HS6ST3: variants seen among roughly 807,000 people sequenced by gnomAD.
HS6ST3 encodes heparan-sulfate 6-O-sulfotransferase 3.
Under a neutral mutation model 36.7 loss-of-function variants are expected in HS6ST3, and 12 were observed. That is an observed-to-expected ratio of 0.33 (90% CI 0.21 to 0.53). The LOEUF is 0.53. Ranked by LOEUF, HS6ST3 falls within the 20% of genes least tolerant of loss-of-function variation. The pLI is 0.95. For missense variants in HS6ST3, 584 were observed against 640.9 expected, an observed-to-expected ratio of 0.91 and a Z score of 0.96; for synonymous variants, 240 against 257.5, an observed-to-expected ratio of 0.93 and a Z score of 0.65.
At chr13:96,352,584 A>C (rs1160366170) in intron 1 of HS6ST3, among the ~76,000 whole-genome samples, 1 of 152,198 alleles carries the variant, frequency 6.6e-6, no homozygotes, top group African/African-American at 2.4e-5. Flanking sequence ...CCTGTTGGTT[A>C]CACAGGCCAG....
chr13:96,198,077 G>A (rs957076048), intron 1 of HS6ST3, among the ~76,000 whole-genome samples: 8 of 152,168 alleles, frequency 5.3e-5, no homozygotes, highest in Non-Finnish European at 2.9e-5. Flanking sequence ...CTTGACTTCT[G>A]TGCACCCACA....
intron 1 of HS6ST3, among the ~76,000 whole-genome samples, chr13:96,199,159 C>T (rs1209647937): frequency 6.6e-6 from 1 of 152,248 alleles, no homozygotes; most frequent in East Asian, 1.9e-4. Flanking sequence ...CCTCCTAGAT[C>T]CCTCCCACAA....
At position 96,674,690 on chromosome 13, in the gene HS6ST3, G is replaced by A. The variant is rs60529550; in HGVS notation, c.708-157800G>A. On this transcript the variant is annotated intron_variant, in intron 1 of 1. Coordinates refer to ENST00000376705, the MANE Select transcript of HS6ST3 (RefSeq NM_153456.4). ...AAGTAAATATCCCTTATTCAGCTGGGGGATGCTGGAGACACATGGAACCTC... is the reference window on the plus strand; with the variant it reads ...AAGTAAATATCCCTTATTCAGCTGGAGGATGCTGGAGACACATGGAACCTC... Among the ~76,000 whole-genome samples the A allele has an allele frequency of 8.4e-3, 1,273 of 152,220 alleles. 17 individuals carry two copies. Among genetic ancestry groups the A allele is most frequent in the African/African-American group, 0.028 (1,182 of 41,528 alleles).
chr13:96,241,301 C>G (rs1163484713), intron 1 of HS6ST3, among the ~76,000 whole-genome samples: 1 of 152,094 alleles, frequency 6.6e-6, no homozygotes, highest in Non-Finnish European at 1.5e-5. Flanking sequence ...CCTTCCATTT[C>G]TATCACCTGT....
intron 1 of HS6ST3, among the ~76,000 whole-genome samples, chr13:96,115,342 ACG>A (rs1465790393): frequency 6.6e-6 from 1 of 152,136 alleles, no homozygotes; most frequent in African/African-American, 2.4e-5. Context: ...ACATAGGTGT[ACG>A]TGTACCATGG....
At chr13:96,416,108 A>C (rs2055531656) in intron 1 of HS6ST3, among the ~76,000 whole-genome samples, 1 of 152,212 alleles carries the variant, frequency 6.6e-6, no homozygotes, top group Non-Finnish European at 1.5e-5. Flanking sequence ...AAATGAAATC[A>C]TGACAGATTC....
At chr13:96,646,037 TC>T (rs2056587409) in intron 1 of HS6ST3, among the ~76,000 whole-genome samples, 1 of 151,814 alleles carries the variant, frequency 6.6e-6, no homozygotes, top group African/African-American at 2.4e-5. Flanking sequence ...AAAGACAATT[TC>T]CTAACAGATA....
intron 1 of HS6ST3, among the ~76,000 whole-genome samples, chr13:96,722,958 T>C (rs1274992764): frequency 4.6e-5 from 7 of 151,222 alleles, no homozygotes; most frequent in Admixed American, 1.3e-4. Context: ...GCCTGGTCAA[T>C]AGAGCAAGAC....
chr13:96,204,737 A>C (rs1027405675), intron 1 of HS6ST3, among the ~76,000 whole-genome samples: 1 of 152,188 alleles, frequency 6.6e-6, no homozygotes, highest in East Asian at 1.9e-4. Context: ...TCTGCTCCTA[A>C]ATGACTCTGG....
At chr13:96,175,546 C>G (rs2054208638) in intron 1 of HS6ST3, among the ~76,000 whole-genome samples, 1 of 149,318 alleles carries the variant, frequency 6.7e-6, no homozygotes, top group African/African-American at 2.5e-5. Flanking sequence ...CTTTTTTTTC[C>G]CTGAAATTCT....
chr13:96,403,986 G>A (rs1925123), intron 1 of HS6ST3, among the ~76,000 whole-genome samples: 73,285 of 152,000 alleles, frequency 0.48, 18,061 homozygotes, highest in Middle Eastern at 0.58. Flanking sequence ...TAAATGGGAA[G>A]TGTCTCCATA....
intron 1 of HS6ST3, among the ~76,000 whole-genome samples, chr13:96,334,084 T>C (rs1356276175): frequency 1.3e-5 from 2 of 152,154 alleles, no homozygotes; most frequent in Admixed American, 1.3e-4. Flanking sequence ...GTAGTGCAGA[T>C]TGAATTAGCT....
At chr13:96,772,658 A>G (rs1877291135) in intron 1 of HS6ST3, among the ~76,000 whole-genome samples, 1 of 152,228 alleles carries the variant, frequency 6.6e-6, no homozygotes, top group African/African-American at 2.4e-5. Context: ...AGGGATGTTA[A>G]GAAATCCACC....
chr13:96,178,320 G>T (rs1223523595), intron 1 of HS6ST3, among the ~76,000 whole-genome samples: 1 of 152,188 alleles, frequency 6.6e-6, no homozygotes, highest in Admixed American at 6.5e-5. Flanking sequence ...TGGCGATTCA[G>T]TGGGCCTTCT....
intron 1 of HS6ST3, among the ~76,000 whole-genome samples, chr13:96,475,391 C>T (rs1039226371): frequency 6.6e-6 from 1 of 152,136 alleles, no homozygotes; most frequent in East Asian, 1.9e-4. Context: ...GCACATTTTC[C>T]TGAAGGCTTT....
chr13:96,630,101 T>TA (rs1008045889), intron 1 of HS6ST3, among the ~76,000 whole-genome samples: 3 of 152,186 alleles, frequency 2.0e-5, no homozygotes, highest in Non-Finnish European at 2.9e-5. Flanking sequence ...CTTACTTTGT[T>TA]AAAAAAATAT....
chr13:96,165,729 C>A (rs2139331321), intron 1 of HS6ST3, among the ~76,000 whole-genome samples: 1 of 152,222 alleles, frequency 6.6e-6, no homozygotes, highest in South Asian at 2.1e-4. Flanking sequence ...TTGCACCTGG[C>A]CTGGAAGAGA....
intron 1 of HS6ST3, among the ~76,000 whole-genome samples, chr13:96,774,868 G>A (rs899824827): frequency 3.3e-4 from 50 of 152,106 alleles, no homozygotes; most frequent in Non-Finnish European, 2.9e-5. Flanking sequence ...GCAACCCCAA[G>A]ACACATAATT....
intron 1 of HS6ST3, among the ~76,000 whole-genome samples, chr13:96,196,792 T>G (rs2054316569): frequency 6.6e-6 from 1 of 152,230 alleles, no homozygotes; most frequent in Non-Finnish European, 1.5e-5. Context: ...CTTCTCTTTC[T>G]TTGTTACAAG....
Sources: gnomAD v4.1 joint callset for allele counts (sites outside exome capture counted in the v4.1 genomes callset) on GRCh38, gnomAD v4.1.1 for gene constraint, MANE v1.5 for transcripts, NCBI Gene and HGNC (gene_info 2026-07-23, HGNC 2026-07-21) for gene names.